ZNF277: variants seen among roughly 807,000 people sequenced by gnomAD.
ZNF277 encodes nuclear receptor-interacting factor 4.
Under a neutral mutation model 60.7 loss-of-function variants are expected in ZNF277, and 55 were observed. That is an observed-to-expected ratio of 0.91 (90% CI 0.73 to 1.13). ZNF277 has a LOEUF of 1.13. Ranked by LOEUF, ZNF277 falls within the 50% of genes most tolerant of loss-of-function variation. The pLI, the probability that ZNF277 is intolerant of heterozygous loss-of-function variation, is 0.00. For missense variants in ZNF277, 510 were observed against 523.0 expected (o/e 0.98, Z 0.24); for synonymous variants, 178 against 179.3 (o/e 0.99, Z 0.06).
intron 1 of ZNF277, among the ~76,000 whole-genome samples, chr7:112,280,896 G>A (rs912439460): frequency 2.6e-5 from 4 of 152,150 alleles, no homozygotes; most frequent in Non-Finnish European, 4.4e-5. Flanking sequence ...CCAAAGTGCT[G>A]GGATTACAGG....
chr7:112,242,564 AAAAAAAAAAC>A (rs1164253190), intron 1 of ZNF277, among the ~76,000 whole-genome samples: 1 of 136,024 alleles, frequency 7.4e-6, no homozygotes, highest in Non-Finnish European at 1.6e-5. Context: ...TACCAAAAAA[AAAAAAAAAAC>A]AAAATAAAAT....
chr7:112,336,242 T>C, intron 8 of ZNF277, 71 bp downstream of exon 8: 2 of 1,382,620 alleles, frequency 1.4e-6, no homozygotes, highest in South Asian at 2.8e-5. Context: ...TAGTTTGGTT[T>C]AAATTATGAA....
At chr7:112,282,239 T>C (rs1001492102) in intron 1 of ZNF277, among the ~76,000 whole-genome samples, 2 of 152,248 alleles carry the variant, frequency 1.3e-5, no homozygotes, top group Non-Finnish European at 2.9e-5. Context: ...TTTGCTCTTG[T>C]TGGGCATGGA....
chr7:112,251,133 G>C (rs1231744305), intron 1 of ZNF277, among the ~76,000 whole-genome samples: 3 of 152,114 alleles, frequency 2.0e-5, no homozygotes, highest in South Asian at 2.1e-4. Flanking sequence ...AAACCAACTT[G>C]AGGAAGAATC....
intron 4 of ZNF277, among the ~76,000 whole-genome samples, chr7:112,309,105 G>A (rs945158552): frequency 5.9e-5 from 9 of 151,982 alleles, no homozygotes; most frequent in Admixed American, 1.3e-4. Flanking sequence ...GAAGGAGGAG[G>A]TAAAAGTGAG....
intron 1 of ZNF277, among the ~76,000 whole-genome samples, chr7:112,286,142 A>G (rs1792058052): frequency 6.6e-6 from 1 of 152,222 alleles, no homozygotes; most frequent in South Asian, 2.1e-4. Flanking sequence ...GCTCTTAAAG[A>G]TGCTGTAGAA....
At chr7:112,253,279 T>C (rs1791237598) in intron 1 of ZNF277, among the ~76,000 whole-genome samples, 1 of 152,198 alleles carries the variant, frequency 6.6e-6, no homozygotes, top group Non-Finnish European at 1.5e-5. Context: ...GAACTGAAAT[T>C]TGAAATGGGA....
At chr7:112,285,291 A>G (rs772487328) in intron 1 of ZNF277, among the ~76,000 whole-genome samples, 1 of 151,972 alleles carries the variant, frequency 6.6e-6, no homozygotes, top group Non-Finnish European at 1.5e-5. Flanking sequence ...CTGCCTCCCA[A>G]AGTGCTGGGA....
chr7:112,271,883 A>C (rs1791677182), intron 1 of ZNF277, among the ~76,000 whole-genome samples: 1 of 152,170 alleles, frequency 6.6e-6, no homozygotes, highest in Admixed American at 6.5e-5. Flanking sequence ...GTGCATAATA[A>C]TCACATCAGG....
At chr7:112,338,686 A>C (rs1427993709) in intron 9 of ZNF277, among the ~76,000 whole-genome samples, 2 of 152,172 alleles carry the variant, frequency 1.3e-5, no homozygotes, top group Admixed American at 1.3e-4. Flanking sequence ...CCTTGATTTT[A>C]GTTTCTCTGA....
chr7:112,244,197 A>C (rs1253329899), intron 1 of ZNF277, among the ~76,000 whole-genome samples: 1 of 152,124 alleles, frequency 6.6e-6, no homozygotes, highest in Non-Finnish European at 1.5e-5. Flanking sequence ...TACACTATTC[A>C]GGTAATGTAA....
intron 1 of ZNF277, among the ~76,000 whole-genome samples, chr7:112,224,696 A>G (rs979509800): frequency 6.6e-6 from 1 of 152,216 alleles, no homozygotes; most frequent in Non-Finnish European, 1.5e-5. Context: ...AAACTGAACT[A>G]TGCAGGTCTG....
intron 1 of ZNF277, among the ~76,000 whole-genome samples, chr7:112,285,704 G>A (rs1351455819): frequency 6.6e-6 from 1 of 151,194 alleles, no homozygotes; most frequent in Non-Finnish European, 1.5e-5. Flanking sequence ...AAAGCTCTGG[G>A]ATTACAGATG....
chr7:112,282,486 A>G (rs905794053), intron 1 of ZNF277, among the ~76,000 whole-genome samples: 1 of 152,226 alleles, frequency 6.6e-6, no homozygotes, highest in Non-Finnish European at 1.5e-5. Flanking sequence ...AGTGACTGGC[A>G]CTTCATTTTG....
At chr7:112,262,175 C>T (rs1460549477) in intron 1 of ZNF277, among the ~76,000 whole-genome samples, 1 of 150,742 alleles carries the variant, frequency 6.6e-6, no homozygotes, top group Non-Finnish European at 1.5e-5. Context: ...CTTCTAGTTT[C>T]GCAGCCTCAA....
intron 1 of ZNF277, among the ~76,000 whole-genome samples, chr7:112,237,079 A>G (rs1479987916): frequency 6.6e-6 from 1 of 152,156 alleles, no homozygotes; most frequent in Non-Finnish European, 1.5e-5. Flanking sequence ...TCCAAAAGGA[A>G]TTCTCAAAAC....
intron 1 of ZNF277, among the ~76,000 whole-genome samples, chr7:112,208,365 C>G (rs1821632775): frequency 6.6e-6 from 1 of 151,714 alleles, no homozygotes; most frequent in Admixed American, 6.6e-5. Context: ...CAGAGCAAGA[C>G]TCTGTATCAA....
At chr7:112,330,969 A>G (rs1475880720) in intron 7 of ZNF277, among the ~76,000 whole-genome samples, 1 of 152,040 alleles carries the variant, frequency 6.6e-6, no homozygotes, top group African/African-American at 2.4e-5. Context: ...TTTAAAAACA[A>G]TCTCTTTGCT....
At chr7:112,298,786 A>G (rs1275607772) in intron 4 of ZNF277, among the ~76,000 whole-genome samples, 1 of 152,222 alleles carries the variant, frequency 6.6e-6, no homozygotes, top group Non-Finnish European at 1.5e-5. Flanking sequence ...ATTTATGAGT[A>G]AAATGTGGCC....
Sources: gnomAD v4.1 joint callset for allele counts (sites outside exome capture counted in the v4.1 genomes callset) on GRCh38, gnomAD v4.1.1 for gene constraint, MANE v1.5 for transcripts, NCBI Gene and HGNC (gene_info 2026-07-23, HGNC 2026-07-21) for gene names.